KPNA3: variants seen among roughly 807,000 people sequenced by gnomAD.
The protein encoded by KPNA3 is karyopherin subunit alpha 3.
In KPNA3, 13 loss-of-function variants were observed where a neutral mutation model predicts 73.8. The observed-to-expected ratio is 0.18, with a 90% confidence interval of 0.11 to 0.28. KPNA3 has a LOEUF of 0.28. Among genes scored for constraint, KPNA3 ranks in the 10% least tolerant of loss-of-function variants. The probability of loss-of-function intolerance (pLI) is 1.00; values close to 1 mark genes in which losing one functional copy is unlikely to be tolerated. For missense variants in KPNA3, 360 were observed against 618.1 expected, an observed-to-expected ratio of 0.58 and a Z score of 4.43; for synonymous variants, 186 against 206.9, an observed-to-expected ratio of 0.90 and a Z score of 0.87.
At chr13:49,702,095 G>C (rs1954154169) in intron 16 of KPNA3, among the ~76,000 whole-genome samples, 197 bp from the exon 17 acceptor site, 1 of 152,106 alleles carries the variant, frequency 6.6e-6, no homozygotes, top group African/African-American at 2.4e-5. Flanking sequence ...GCATTGTTAA[G>C]TTTCTGTATC....
At chr13:49,708,529 T>C (rs1797315505) in intron 12 of KPNA3, among the ~76,000 whole-genome samples, 1 of 152,216 alleles carries the variant, frequency 6.6e-6, no homozygotes, top group Non-Finnish European at 1.5e-5. Context: ...TGCAGTTATA[T>C]ATCCAAAGAA....
chr13:49,731,714 TC>T (rs1306373913), intron 6 of KPNA3, among the ~76,000 whole-genome samples: 1 of 152,182 alleles, frequency 6.6e-6, no homozygotes, highest in Non-Finnish European at 1.5e-5. Context: ...ACTTATATTC[TC>T]CCCAGTTAAT....
chr13:49,750,689 G>A (rs1172719388), intron 1 of KPNA3, among the ~76,000 whole-genome samples: 1 of 152,006 alleles, frequency 6.6e-6, no homozygotes, highest in Non-Finnish European at 1.5e-5. Context: ...GTAATAATGA[G>A]TGATAAAAAT....
At chr13:49,750,122 G>A (rs1186603197) in intron 1 of KPNA3, among the ~76,000 whole-genome samples, 1 of 152,076 alleles carries the variant, frequency 6.6e-6, no homozygotes, top group Non-Finnish European at 1.5e-5. Context: ...AATACATTGG[G>A]CAATACATTT....
chr13:49,784,170 G>C (rs1954962696), intron 1 of KPNA3, among the ~76,000 whole-genome samples: 1 of 152,128 alleles, frequency 6.6e-6, no homozygotes, highest in Admixed American at 6.5e-5. Flanking sequence ...GATCGCTTGA[G>C]CCATGATCGT....
At chr13:49,718,102 G>A (rs980620286) in intron 10 of KPNA3, among the ~76,000 whole-genome samples, 1 of 151,962 alleles carries the variant, frequency 6.6e-6, no homozygotes, top group African/African-American at 2.4e-5. Flanking sequence ...CTCATTCATT[G>A]CATGACCTTA....
intron 1 of KPNA3, among the ~76,000 whole-genome samples, chr13:49,755,171 C>T (rs1416884888): frequency 1.3e-5 from 2 of 152,082 alleles, no homozygotes; most frequent in Non-Finnish European, 2.9e-5. Flanking sequence ...TACTAGCAGG[C>T]TTCATTCTAG....
rs1955034654 is a variant in KPNA3, at chr13:49,791,730, T to C, written c.69+708A>G. Among the ~76,000 whole-genome samples the C allele has an allele frequency of 2.0e-5, 3 of 152,138 alleles. No homozygotes were observed. The South Asian group carries it at 6.2e-4, about 31-fold the overall frequency. ...CCTCTTTTCCGAAGCCTGAACACAA[T>C]AGATGGCAAACTATTGTCCACCTTC... On this transcript the variant is annotated intron_variant, in intron 1 of 16. Coordinates refer to ENST00000261667, the MANE Select transcript of KPNA3 (RefSeq NM_002267.4).
At position 49,700,885 on chromosome 13, in the gene KPNA3, T is replaced by C. The variant is rs1052337026; in HGVS notation, c.*915A>G. 2.6e-5 allele frequency: 4 copies of C among 152,692 alleles called. No individual in the cohort carries two copies. The highest frequency in any genetic ancestry group is 2.6e-4 in the Admixed American group (4 of 15,308). 9.5% of individuals were successfully genotyped at this position (152,692 alleles called of 1,614,324 possible). ...TAAAAAACATCACCAATGGGTATTT[T>C]AGACTTTTGCAGTTTTTTTTTGTTT... On this transcript the variant is annotated 3_prime_UTR_variant, in exon 17 of 17. Coordinates refer to ENST00000261667, the MANE Select transcript of KPNA3 (RefSeq NM_002267.4).
intron 1 of KPNA3, among the ~76,000 whole-genome samples, chr13:49,790,703 T>C (rs1375116035): frequency 6.6e-6 from 1 of 152,192 alleles, no homozygotes; most frequent in Non-Finnish European, 1.5e-5. Context: ...AAGTCACGGG[T>C]TACATTCTTA....
chr13:49,714,645 G>A (rs1954288833), intron 10 of KPNA3, among the ~76,000 whole-genome samples: 1 of 152,068 alleles, frequency 6.6e-6, no homozygotes, highest in Non-Finnish European at 1.5e-5. Flanking sequence ...CAGACTTGAT[G>A]CTATATAAAT....
chr13:49,746,046 G>A (rs1954613750), intron 2 of KPNA3, among the ~76,000 whole-genome samples: 1 of 122,850 alleles, frequency 8.1e-6, no homozygotes, highest in African/African-American at 3.1e-5. Context: ...TTGGGCGACA[G>A]AGCGAGACTC....
intron 12 of KPNA3, 80 bp downstream of exon 12, chr13:49,709,492 C>A: frequency 5.3e-6 from 6 of 1,137,112 alleles, no homozygotes; most frequent in Admixed American, 2.5e-5. Flanking sequence ...GAAAAACATA[C>A]AAGTAGCAAT....
At chr13:49,782,918 A>G (rs1215454895) in intron 1 of KPNA3, among the ~76,000 whole-genome samples, 1 of 152,104 alleles carries the variant, frequency 6.6e-6, no homozygotes, top group African/African-American at 2.4e-5. Flanking sequence ...AAGTCACTAG[A>G]ATATGTAAAG....
chr13:49,781,082 C>T (rs1954937237), intron 1 of KPNA3, among the ~76,000 whole-genome samples: 1 of 152,068 alleles, frequency 6.6e-6, no homozygotes, highest in Non-Finnish European at 1.5e-5. Flanking sequence ...TCCAGGCTTG[C>T]CCAAGATTTA....
Position 49,792,586 on chromosome 13 carries a change from AGGGGGAGAGCGGGAGGGGGG to A in KPNA3, c.-100_-81del. 5.3e-6 allele frequency: 1 copy of A among 189,098 alleles called. No individual in the cohort carries two copies. Among genetic ancestry groups the A allele is most frequent in the Non-Finnish European group, 1.0e-5 (1 of 100,428 alleles). The allele number at this position is 189,098 out of a possible 1,614,324, so 11.7% of individuals were successfully genotyped here. ...CGAATCTTGGAGCGGGAGGGGGAGG[AGGGGGAGAGCGGGAGGGGGG>A]AGGGGAGAGAAGAGCACGTTCTGTG... On this transcript the variant is annotated 5_prime_UTR_variant, in exon 1 of 17. Coordinates refer to ENST00000261667, the MANE Select transcript of KPNA3 (RefSeq NM_002267.4).
chr13:49,744,323 A>G (rs1355987585), intron 2 of KPNA3, among the ~76,000 whole-genome samples: 2 of 152,236 alleles, frequency 1.3e-5, no homozygotes, highest in Non-Finnish European at 2.9e-5. Context: ...CAAAGATCTG[A>G]AAGAACTTGC....
rs1954138643 is a variant in KPNA3 at position 49,700,626 on chromosome 13, G to C, written c.*1174C>G. The stretch of plus-strand genomic sequence containing the variant: ...TGAAGATGCTTTTTGAGTAGGATCT[G>C]AATTAACTTTCCCAATACTCAAAGA... On this transcript the variant is annotated 3_prime_UTR_variant, in exon 17 of 17. Coordinates refer to ENST00000261667, the MANE Select transcript of KPNA3 (RefSeq NM_002267.4). 3 of 152,624 alleles carry C rather than the reference G, an allele frequency of 2.0e-5. No homozygotes were observed. The South Asian group carries it at 6.2e-4, about 32-fold the overall frequency. 9.5% of individuals were successfully genotyped at this position (152,624 alleles called of 1,614,324 possible).
At chr13:49,743,932 G>C (rs771708840) in intron 2 of KPNA3, among the ~76,000 whole-genome samples, 1 of 152,128 alleles carries the variant, frequency 6.6e-6, no homozygotes, top group Non-Finnish European at 1.5e-5. Flanking sequence ...TACTTCTATT[G>C]CATCTATTAA....
Sources: gnomAD v4.1 joint callset for allele counts (sites outside exome capture counted in the v4.1 genomes callset) on GRCh38, gnomAD v4.1.1 for gene constraint, MANE v1.5 for transcripts, NCBI Gene and HGNC (gene_info 2026-07-23, HGNC 2026-07-21) for gene names.